WDR62: variants seen among roughly 807,000 people sequenced by gnomAD.
The protein encoded by WDR62 is WD repeat-containing protein 62.
WDR62 carries 112 observed loss-of-function variants against 160.6 expected under a neutral mutation model. That is an observed-to-expected ratio of 0.70 (90% CI 0.60 to 0.82). WDR62 has a LOEUF of 0.82. Among genes scored for constraint, WDR62 ranks in the 40% least tolerant of loss-of-function variants. The pLI, the probability that WDR62 is intolerant of heterozygous loss-of-function variation, is 0.00. For synonymous variants in WDR62, 792 were observed against 815.1 expected (o/e 0.97, Z 0.48); for missense variants, 1,819 against 1,983.8 (o/e 0.92, Z 1.58).
In WDR62 at chr19:36,103,203, A is replaced by C. The variant is rs1973494365; in HGVS notation, c.3510A>C (p.Pro1170=). ...AAGAGACCCTGGAGGCCTGGCGCCC[A>C]CCACGTGAGTGCCCCAGTCCCAGAC... ...KAEETLEAWR[P]PPPCLTSLAS... The change falls in exon 29 of 32, where the codon CCA becomes CCC. Residue 1170 remains proline, a synonymous_variant. Coordinates refer to ENST00000401500, the MANE Select transcript of WDR62 (RefSeq NM_001083961.2). 6.2e-7 allele frequency: 1 copy of C among 1,613,462 alleles called. No individual in the cohort carries two copies. Among genetic ancestry groups the C allele is most frequent in the Non-Finnish European group, 8.5e-7 (1 of 1,179,942 alleles).
intron 13 of WDR62, among the ~76,000 whole-genome samples, chr19:36,088,406 A>G (rs10422055): frequency 0.68 from 102,761 of 152,148 alleles, 35,284 homozygotes; most frequent in East Asian, 0.79. Context: ...CCAGAGAAGG[A>G]ACTGTCACCA....
At chr19:36,060,268 A>G (rs948893621) in intron 3 of WDR62, 4 of 576,352 alleles carry the variant, frequency 6.9e-6, no homozygotes, top group Non-Finnish European at 9.4e-6. Context: ...TCAGCAAATT[A>G]CGGGCTGATC....
intron 11 of WDR62, among the ~76,000 whole-genome samples, chr19:36,083,622 T>G (rs1191259800): frequency 6.6e-6 from 1 of 152,106 alleles, no homozygotes; most frequent in African/African-American, 2.4e-5. Context: ...GAGGGTGGGA[T>G]AGCTGAGAGT....
At chr19:36,091,340 T>TGCCCCCCCC in intron 17 of WDR62, 29 bp downstream of exon 17, 3 of 1,579,124 alleles carry the variant, frequency 1.9e-6, no homozygotes, top group Non-Finnish European at 2.6e-6. Context: ...TTGGGATGCC[T>TGCCCCCCCC]CCCCACCCGC....
chr19:36,080,484 T>A (rs983384267), intron 9 of WDR62, among the ~76,000 whole-genome samples: 9 of 151,518 alleles, frequency 5.9e-5, no homozygotes, highest in African/African-American at 1.9e-4. Flanking sequence ...TGGAGTGCAA[T>A]GGCGCGATCT....
intron 21 of WDR62, among the ~76,000 whole-genome samples, chr19:36,098,067 C>T (rs545483625): frequency 2.0e-5 from 3 of 151,478 alleles, no homozygotes; most frequent in South Asian, 2.1e-4. Flanking sequence ...GCCAGGAGCT[C>T]GAGACCAGCT....
chr19:36,104,733 TTGG>T, intron 31 of WDR62, 32 bp from the exon 32 acceptor site: 5 of 1,613,844 alleles, frequency 3.1e-6, no homozygotes, highest in Non-Finnish European at 4.2e-6. Flanking sequence ...CCGCCCGGCC[TTGG>T]TGGCCCCTGA....
At chr19:36,089,587 G>A (rs1306326266) in intron 15 of WDR62, among the ~76,000 whole-genome samples, 2 of 152,156 alleles carry the variant, frequency 1.3e-5, no homozygotes, top group Non-Finnish European at 2.9e-5. Context: ...AATTACAGGC[G>A]CCTGCCACCA....
Position 36,090,507 on chromosome 19 carries a change from G to C in WDR62, c.2021G>C (p.Gly674Ala), listed in dbSNP as rs1237754018. Residue 674 changes from glycine to alanine, a missense_variant, in exon 16 of 32, where the codon GGG (glycine) becomes GCG (alanine). Physicochemically the swap from Gly to Ala is moderately conservative, Grantham distance 60 (BLOSUM62 0). Coordinates refer to ENST00000401500, the MANE Select transcript of WDR62 (RefSeq NM_001083961.2). Reference sequence around the variant, plus strand: ...TACAAGGGCTCCCAGGGTGACGAAGGGTCCTTGCTGAAGGTGAGGAGTTGG... The same window carrying C: ...TACAAGGGCTCCCAGGGTGACGAAGCGTCCTTGCTGAAGGTGAGGAGTTGG... ...KCYKGSQGDEGSLLKVHVDPS... is the reference protein window; with the variant it reads ...KCYKGSQGDEASLLKVHVDPS... The C allele has an allele frequency of 5.0e-6, 8 of 1,614,112 alleles. No individual in the cohort carries two copies. The highest frequency in any genetic ancestry group is 5.9e-6 in the Non-Finnish European group (7 of 1,180,004).
intron 11 of WDR62, among the ~76,000 whole-genome samples, chr19:36,084,334 G>A (rs982146953): frequency 5.9e-5 from 9 of 151,946 alleles, no homozygotes; most frequent in Non-Finnish European, 1.3e-4. Context: ...CCTGGCCCCT[G>A]TCCTACCCCA....
At chr19:36,058,198 A>G (rs967166200) in intron 1 of WDR62, among the ~76,000 whole-genome samples, 2 of 152,150 alleles carry the variant, frequency 1.3e-5, no homozygotes, top group Non-Finnish European at 2.9e-5. Context: ...CTAAAAATAC[A>G]AAAATTAGCC....
At position 36,081,428 on chromosome 19, in the gene WDR62, T is replaced by C; in HGVS notation, c.1234-5T>C. 6.2e-7 allele frequency: 1 copy of C among 1,614,154 alleles called. No individual in the cohort carries two copies. Among genetic ancestry groups the C allele is most frequent in the Non-Finnish European group, 8.5e-7 (1 of 1,180,020 alleles). The stretch of plus-strand genomic sequence containing the variant: ...ATCCTTTGCCTTGTCCTCTGGGAAC[T>C]GTAGGTGTATCCTGAGTTTGAAGAC... On this transcript the variant is annotated splice_region_variant and splice_polypyrimidine_tract_variant and intron_variant, in intron 9 of 31. Coordinates refer to ENST00000401500, the MANE Select transcript of WDR62 (RefSeq NM_001083961.2).
intron 28 of WDR62, 28 bp from the exon 29 acceptor site, chr19:36,103,128 T>C (rs1279154374): frequency 1.2e-6 from 2 of 1,613,870 alleles, no homozygotes; most frequent in Non-Finnish European, 1.7e-6. Context: ...CCTGAGGCCT[T>C]GTCCTCACCT....
At chr19:36,065,526 A>G (rs1433985810) in intron 3 of WDR62, among the ~76,000 whole-genome samples, 1 of 152,174 alleles carries the variant, frequency 6.6e-6, no homozygotes, top group Non-Finnish European at 1.5e-5. Flanking sequence ...AGTATTTAGC[A>G]GTGGAGCACA....
rs575777194 is a variant in WDR62 at position 36,059,994 on chromosome 19, A to G, written c.296A>G (p.Lys99Arg). The G allele has an allele frequency of 3.1e-6, 5 of 1,614,198 alleles. No homozygotes were observed. In the African/African-American group the frequency reaches 5.3e-5, roughly 17 times the overall value. The change falls in exon 3 of 32, where the codon AAG becomes AGG. Residue 99 changes from lysine to arginine, a missense_variant. Around this residue, in one of 3 missense-constraint regions of WDR62, gnomAD observed 934 missense variants for 1,157.2 expected, o/e 0.81. Transcript: ENST00000401500. Reference sequence around the variant, plus strand: ...TGTGTGGTGGTGATTTTGGACCCCAAGGAGAACAAGCAGCAGCACATCTTT... The same window carrying G: ...TGTGTGGTGGTGATTTTGGACCCCAGGGAGAACAAGCAGCAGCACATCTTT... Reference protein sequence around the residue: ...AGCVVVILDPKENKQQHIFNT... With the variant: ...AGCVVVILDPRENKQQHIFNT...
In WDR62 at chr19:36,059,070, A is replaced by G. The variant is rs746503413; in HGVS notation, c.269+199A>G. The G allele has an allele frequency of 6.7e-5, 47 of 705,130 alleles. No homozygotes were observed. The Middle Eastern group carries it at 7.0e-4, about 10-fold the overall frequency. 43.7% of individuals were successfully genotyped at this position (705,130 alleles called of 1,614,324 possible). On this transcript the variant is annotated intron_variant, in intron 2 of 31. Coordinates refer to ENST00000401500, the MANE Select transcript of WDR62 (RefSeq NM_001083961.2). Reference sequence around the variant, plus strand: ...CAGTTCCTGGCATGTAGTGAGTGCAATGAAAGCCTTTATTATGACTACAGG... The same window carrying G: ...CAGTTCCTGGCATGTAGTGAGTGCAGTGAAAGCCTTTATTATGACTACAGG...
chr19:36,056,397 C>T (rs1970373925), intron 1 of WDR62, among the ~76,000 whole-genome samples: 1 of 152,146 alleles, frequency 6.6e-6, no homozygotes, highest in East Asian at 1.9e-4. Context: ...GTCACACTGG[C>T]CTGCTTTTGG....
chr19:36,092,274 G>A (rs1305129390), intron 18 of WDR62, among the ~76,000 whole-genome samples: 1 of 149,546 alleles, frequency 6.7e-6, no homozygotes, highest in Non-Finnish European at 1.5e-5. Context: ...TCGCGTCACT[G>A]CACCCTAGCC....
intron 8 of WDR62, 102 bp from the exon 9 acceptor site, chr19:36,073,240 T>A: frequency 1.8e-6 from 2 of 1,087,558 alleles, no homozygotes; most frequent in East Asian, 2.4e-5. Context: ...ACAAATACCA[T>A]GAGGGATGGC....
Sources: allele counts gnomAD v4.1 joint callset (sites outside exome capture counted in the v4.1 genomes callset), GRCh38; gene constraint gnomAD v4.1.1; regional missense constraint gnomAD v4.1.1; transcripts MANE v1.5; gene names NCBI Gene and HGNC (gene_info 2026-07-23, HGNC 2026-07-21).